LANCL3: variants seen among roughly 807,000 people sequenced by gnomAD.
The protein encoded by LANCL3 is LanC like family member 3.
LANCL3 carries 19 observed loss-of-function variants against 26.5 expected under a neutral mutation model. The ratio of observed to expected loss-of-function variants is 0.72; its 90% CI spans 0.50 to 1.05. LANCL3 has a LOEUF of 1.05. Ranked by LOEUF, LANCL3 falls within the 50% of genes least tolerant of loss-of-function variation. The probability of loss-of-function intolerance (pLI) is 0.00; values close to 1 mark genes in which losing one functional copy is unlikely to be tolerated. For synonymous variants in LANCL3, 160 were observed against 166.6 expected (o/e 0.96, Z 0.30); for missense variants, 318 against 362.7 (o/e 0.88, Z 1.00).
rs1306668836 is a variant in LANCL3 at position 37,680,574 on chromosome X, A to G, written c.*4761A>G. ...CCCCCTCTGAACTGAATTTGAAAAA[A>G]TTAATTAAAATAACCGAATCACCCA... On this transcript the variant is annotated 3_prime_UTR_variant, in exon 5 of 5. Coordinates refer to ENST00000378619, the MANE Select transcript of LANCL3 (RefSeq NM_001170331.2). The G allele has an allele frequency of 4.5e-5, 5 of 111,796 alleles. No individual in the cohort carries two copies. The highest frequency in any genetic ancestry group is 1.6e-4 in the African/African-American group (5 of 30,664). 9.2% of individuals were successfully genotyped at this position (111,796 alleles called of 1,213,427 possible). A position where few individuals can be genotyped will look rare whatever the true frequency, so the allele number is the denominator to read the frequency against.
chrX:37,603,529 T>G (rs1318914734), intron 1 of LANCL3, among the ~76,000 whole-genome samples: 1 of 109,944 alleles, frequency 9.1e-6, no homozygotes, highest in African/African-American at 3.4e-5. Flanking sequence ...CGTCTTGTTT[T>G]CCACCATACT....
At chrX:37,581,715 TAC>T (rs1222042818) in intron 1 of LANCL3, among the ~76,000 whole-genome samples, 1 of 112,308 alleles carries the variant, frequency 8.9e-6, no homozygotes, top group Admixed American at 9.4e-5. Context: ...AAGCTTTAGA[TAC>T]AGTCTATTTA....
chrX:37,634,403 C>G (rs112758396), intron 1 of LANCL3, among the ~76,000 whole-genome samples: 1 of 113,216 alleles, frequency 8.8e-6, no homozygotes, highest in East Asian at 2.8e-4. Context: ...CTGAGTGAGG[C>G]AATGCCTCGC....
chrX:37,585,884 C>T (rs782650367), intron 1 of LANCL3, among the ~76,000 whole-genome samples: 134 of 112,000 alleles, frequency 1.2e-3, no homozygotes, highest in Non-Finnish European at 2.2e-3. Flanking sequence ...GCAGTTTCTT[C>T]CTAGCCTTGA....
At position 37,582,910 on chromosome X, in the gene LANCL3, G is replaced by T. The variant is rs200963560; in HGVS notation, c.573+10467G>T. Among the ~76,000 whole-genome samples, 6 of 111,881 alleles carry T rather than the reference G, an allele frequency of 5.4e-5. No individual in the cohort carries two copies. In the East Asian group the frequency reaches 1.7e-3, roughly 31 times the overall value. On this transcript the variant is annotated intron_variant, in intron 1 of 4. Transcript: ENST00000378619. The stretch of plus-strand genomic sequence containing the variant: ...CTTGCCCATGCCTATGTCCTGAATG[G>T]TATTACCTAGGTTTTCTTCTAGGGT...
intron 1 of LANCL3, among the ~76,000 whole-genome samples, chrX:37,574,971 G>A (rs2146702979): frequency 9.3e-6 from 1 of 108,101 alleles, no homozygotes; most frequent in East Asian, 2.9e-4. Context: ...TGTCACCCAG[G>A]CTGGAGTGCA....
intron 1 of LANCL3, among the ~76,000 whole-genome samples, chrX:37,632,517 G>C (rs1405305199): frequency 1.8e-5 from 2 of 111,230 alleles, no homozygotes; most frequent in Non-Finnish European, 3.8e-5. Flanking sequence ...TGGTTATTTT[G>C]CTCGTTAGTT....
chrX:37,632,952 G>C, intron 1 of LANCL3, among the ~76,000 whole-genome samples: 1 of 111,025 alleles, frequency 9.0e-6, no homozygotes, highest in Non-Finnish European at 1.9e-5. Context: ...TCTTCTCGAG[G>C]AGTATCTTTG....
intron 1 of LANCL3, among the ~76,000 whole-genome samples, chrX:37,606,319 C>A (rs1017029798): frequency 8.9e-6 from 1 of 111,825 alleles, no homozygotes; most frequent in Admixed American, 9.4e-5. Flanking sequence ...ATTAGGTGTT[C>A]AGCATAAGTC....
At chrX:37,615,254 C>T (rs925491360) in intron 1 of LANCL3, among the ~76,000 whole-genome samples, 1 of 111,806 alleles carries the variant, frequency 8.9e-6, no homozygotes, top group Admixed American at 9.5e-5. Flanking sequence ...TGGGATGGGG[C>T]CTAGGAGTCT....
At chrX:37,576,832 A>C (rs1923762301) in intron 1 of LANCL3, among the ~76,000 whole-genome samples, 1 of 112,499 alleles carries the variant, frequency 8.9e-6, no homozygotes, top group Non-Finnish European at 1.9e-5. Context: ...TCACTAGAGC[A>C]TGGGAACCAA....
intron 4 of LANCL3, among the ~76,000 whole-genome samples, chrX:37,673,503 C>CT (rs1926729952): frequency 9.1e-6 from 1 of 110,350 alleles, no homozygotes; most frequent in Admixed American, 9.7e-5. Context: ...GTCTTCTATT[C>CT]TTTTTAGTCC....
At chrX:37,582,090 G>A (rs1324847910) in intron 1 of LANCL3, among the ~76,000 whole-genome samples, 2 of 111,459 alleles carry the variant, frequency 1.8e-5, no homozygotes, top group Non-Finnish European at 3.8e-5. Flanking sequence ...CTTCATCCAT[G>A]TCCCTACAAA....
chrX:37,586,491 C>G (rs1450266072), intron 1 of LANCL3, among the ~76,000 whole-genome samples: 1 of 111,530 alleles, frequency 9.0e-6, no homozygotes, highest in African/African-American at 3.3e-5. Flanking sequence ...AGGCTTTGTT[C>G]GTTTCTTTTT....
intron 1 of LANCL3, among the ~76,000 whole-genome samples, chrX:37,641,822 A>G: frequency 8.9e-6 from 1 of 112,098 alleles, no homozygotes. Context: ...CAAAATAGGT[A>G]GTACATAATA....
chrX:37,618,981 T>C (rs1248811719), intron 1 of LANCL3, among the ~76,000 whole-genome samples: 2 of 111,239 alleles, frequency 1.8e-5, no homozygotes, highest in East Asian at 5.6e-4. Flanking sequence ...TCACTCTTAA[T>C]CCTAGTGGCT....
In LANCL3 at chrX:37,679,420, T is replaced by C. The variant is rs1255343521; in HGVS notation, c.*3607T>C. 9.0e-6 allele frequency: 1 copy of C among 111,638 alleles called. No individual in the cohort carries two copies. Among genetic ancestry groups the C allele is most frequent in the African/African-American group, 3.3e-5 (1 of 30,738 alleles). 9.2% of individuals were successfully genotyped at this position (111,638 alleles called of 1,213,427 possible). A position where few individuals can be genotyped will look rare whatever the true frequency, so the allele number is the denominator to read the frequency against. On this transcript the variant is annotated 3_prime_UTR_variant, in exon 5 of 5. Transcript: ENST00000378619. The stretch of plus-strand genomic sequence containing the variant: ...TTCTGATTCACCAAGACTTACTACA[T>C]GGGAATAGACTGATTTAGCTCAGGA...
intron 1 of LANCL3, among the ~76,000 whole-genome samples, chrX:37,631,911 A>G (rs1235173989): frequency 1.3e-4 from 14 of 110,058 alleles, no homozygotes; most frequent in Non-Finnish European, 2.3e-4. Flanking sequence ...TGTGGTGCTG[A>G]AAAAAAATGT....
intron 1 of LANCL3, among the ~76,000 whole-genome samples, chrX:37,595,837 T>C (rs1022842704): frequency 7.1e-5 from 8 of 112,357 alleles, no homozygotes. Context: ...GCTATGCACT[T>C]TACAGCTATT....
Sources: gnomAD v4.1 joint callset for allele counts (sites outside exome capture counted in the v4.1 genomes callset) on GRCh38, gnomAD v4.1.1 for gene constraint, MANE v1.5 for transcripts, NCBI Gene and HGNC (gene_info 2026-07-23, HGNC 2026-07-21) for gene names.